TENM1: variants seen among roughly 807,000 people sequenced by gnomAD.
TENM1 encodes teneurin transmembrane protein 1.
In TENM1, 35 loss-of-function variants were observed where a neutral mutation model predicts 174.8. The observed-to-expected ratio is 0.20, with a 90% CI of 0.15 to 0.27. The LOEUF (loss-of-function observed/expected upper bound fraction) is 0.27, where lower values mean the gene tolerates loss of function less well. Ranked by LOEUF, TENM1 falls within the 10% of genes least tolerant of loss-of-function variation. The pLI is 1.00. For synonymous variants in TENM1, 781 were observed against 798.7 expected, an observed-to-expected ratio of 0.98 and a Z score of 0.37; for missense variants, 1,633 against 2,130.1, an observed-to-expected ratio of 0.77 and a Z score of 4.59.
At chrX:125,199,513 T>C in the TENM1 span, among the ~76,000 whole-genome samples, 1 of 112,299 alleles carries the variant, frequency 8.9e-6, no homozygotes, top group Non-Finnish European at 1.9e-5. Flanking sequence ...AATCATTACA[T>C]CACATTAAAA....
chrX:124,811,233 T>C (rs113285036), intron 3 of TENM1, among the ~76,000 whole-genome samples: 6,212 of 111,379 alleles, frequency 0.056, 270 homozygotes, highest in African/African-American at 0.15. Flanking sequence ...ATACAACCTA[T>C]AGAATGGGAG....
Position 124,853,715 on chromosome X carries a change from C to T in TENM1, c.535+40581G>A, listed in dbSNP as rs759325241. On this transcript the variant is annotated intron_variant, in intron 3 of 31. Transcript: ENST00000422452. ...AATGGGGAACTAGAATGGGAACTGA[C>T]TTAAGAACAAAAATCGAGACAGCTG... is the stretch of plus-strand genomic sequence containing the variant. Among the ~76,000 whole-genome samples the T allele has an allele frequency of 2.7e-5, 3 of 110,899 alleles. No individual in the cohort carries two copies. The East Asian group carries it at 8.6e-4, about 32-fold the overall frequency.
the TENM1 span, among the ~76,000 whole-genome samples, chrX:124,981,956 T>TAAAAAAAAAA: frequency 3.7e-5 from 1 of 26,719 alleles, no homozygotes. Flanking sequence ...TAGAGTATAA[T>TAAAAAAAAAA]AAAAAAAAAA....
intron 13 of TENM1, 58 bp downstream of exon 16, chrX:124,563,691 A>G (rs2048876833): frequency 1.0e-6 from 1 of 956,868 alleles, no homozygotes; most frequent in Admixed American, 2.7e-5. Context: ...TCTTTCTTAC[A>G]TGCATATTTT....
chrX:124,955,298 T>C (rs1206704295), intron 1 of TENM1, among the ~76,000 whole-genome samples: 1 of 111,760 alleles, frequency 8.9e-6, no homozygotes, highest in Admixed American at 9.5e-5. Flanking sequence ...ATTTAATTGG[T>C]CTGGGGAACA....
rs749870063 is a variant in TENM1, at chrX:124,712,184, T to A, written c.777-6933A>T. ...GTGCAAATATCTCTTTGAGATCTGC[T>A]TTCATTTATTTTGGATAAATACCTA... On this transcript the variant is annotated intron_variant, in intron 4 of 31. Coordinates refer to ENST00000422452, the Ensembl canonical transcript of TENM1. 2.7e-5 allele frequency among the ~76,000 whole-genome samples: 3 copies of A among 112,164 alleles called. No homozygotes were observed. The East Asian group carries it at 8.4e-4, about 32-fold the overall frequency.
At chrX:124,431,871 C>T (rs1453285499) in intron 23 of TENM1, among the ~76,000 whole-genome samples, 1 of 112,190 alleles carries the variant, frequency 8.9e-6, no homozygotes, top group African/African-American at 3.2e-5. Flanking sequence ...TGGTCAAATG[C>T]ATTGGCATGG....
chrX:124,775,450 T>A (rs1306180933), intron 3 of TENM1, among the ~76,000 whole-genome samples: 4 of 111,940 alleles, frequency 3.6e-5, no homozygotes, highest in Non-Finnish European at 7.5e-5. Flanking sequence ...TTTAAGCAAG[T>A]CATAATATTT....
intron 11 of TENM1, among the ~76,000 whole-genome samples, chrX:124,577,699 C>T (rs1260041937): frequency 9.0e-6 from 1 of 111,192 alleles, no homozygotes; most frequent in Non-Finnish European, 1.9e-5. Flanking sequence ...CTTATGCTAT[C>T]GACATTCTAG....
At chrX:124,584,560 G>A (rs2049435875) in intron 11 of TENM1, among the ~76,000 whole-genome samples, 1 of 111,297 alleles carries the variant, frequency 9.0e-6, no homozygotes, top group Non-Finnish European at 1.9e-5. Flanking sequence ...AGGAACAACT[G>A]GCACCAGCCA....
At chrX:124,659,329 T>C (rs1459100308) in intron 6 of TENM1, among the ~76,000 whole-genome samples, 1 of 111,886 alleles carries the variant, frequency 8.9e-6, no homozygotes, top group Non-Finnish European at 1.9e-5. Context: ...TATGACTATA[T>C]GCAATGAAAA....
intron 3 of TENM1, among the ~76,000 whole-genome samples, chrX:124,847,532 T>C (rs1005012327): frequency 9.0e-6 from 1 of 110,807 alleles, no homozygotes; most frequent in Non-Finnish European, 1.9e-5. Flanking sequence ...GATCGATCCA[T>C]AAATTGTAGA....
intron 3 of TENM1, among the ~76,000 whole-genome samples, chrX:124,807,878 TACACACACACACACAC>T (rs151254866): frequency 1.6e-4 from 14 of 85,166 alleles, no homozygotes; most frequent in Admixed American, 1.3e-3. Flanking sequence ...GAAAATCACT[TACACACACACACACAC>T]ACACACACAC....
intron 24 of TENM1, 83 bp downstream of exon 27, chrX:124,422,189 C>T: frequency 9.0e-7 from 1 of 1,106,493 alleles, no homozygotes; most frequent in East Asian, 3.0e-5. Flanking sequence ...CTTTGCTTTT[C>T]CTTTTCCTTT....
intron 3 of TENM1, among the ~76,000 whole-genome samples, chrX:124,810,651 C>T: frequency 9.0e-6 from 1 of 111,239 alleles, no homozygotes; most frequent in Middle Eastern, 4.2e-3. Flanking sequence ...AATATAATTC[C>T]TACCAAAATA....
chrX:124,839,073 T>G (rs1249296199), intron 3 of TENM1, among the ~76,000 whole-genome samples: 1 of 111,553 alleles, frequency 9.0e-6, no homozygotes, highest in Non-Finnish European at 1.9e-5. Context: ...AAATAGATAA[T>G]CTGCGGTTTA....
chrX:125,117,863 T>C, the TENM1 span, among the ~76,000 whole-genome samples: 1 of 111,529 alleles, frequency 9.0e-6, no homozygotes, highest in African/African-American at 3.3e-5. Context: ...GCAATCTCAC[T>C]ATTGGGTGTC....
At chrX:124,386,995 G>A (rs112322596) in intron 28 of TENM1, among the ~76,000 whole-genome samples, 1 of 107,620 alleles carries the variant, frequency 9.3e-6, no homozygotes, top group Non-Finnish European at 1.9e-5. Context: ...ATGTTTCAGA[G>A]GAAGGTAAAT....
chrX:124,952,768 C>T (rs2058510076), intron 1 of TENM1, among the ~76,000 whole-genome samples: 1 of 111,472 alleles, frequency 9.0e-6, no homozygotes, highest in Non-Finnish European at 1.9e-5. Context: ...TTTCTAACTG[C>T]TTTCTTCCAT....
Sources: gnomAD v4.1 joint callset for allele counts (sites outside exome capture counted in the v4.1 genomes callset) on GRCh38, gnomAD v4.1.1 for gene constraint, MANE v1.5 for transcripts, NCBI Gene and HGNC (gene_info 2026-07-23, HGNC 2026-07-21) for gene names.